The following BCL7A variants were observed in gnomAD, a reference collection of about 807,000 sequenced individuals.
The protein encoded by BCL7A is BAF chromatin remodeling complex subunit BCL7A.
BCL7A carries 11 observed loss-of-function variants against 28.4 expected under a neutral mutation model. That is an observed-to-expected ratio of 0.39 (90% CI 0.24 to 0.64). BCL7A has a LOEUF of 0.64. BCL7A is among the 30% of genes least tolerant of loss of function. BCL7A has a pLI of 0.50. For synonymous variants in BCL7A, 123 were observed against 103.3 expected (o/e 1.19, Z -1.15); for missense variants, 222 against 274.8 (o/e 0.81, Z 1.36).
intron 4 of BCL7A, among the ~76,000 whole-genome samples, chr12:122,054,042 C>T (rs745717030): frequency 6.6e-6 from 1 of 152,086 alleles, no homozygotes; most frequent in African/African-American, 2.4e-5. Flanking sequence ...TTTCTGTTTC[C>T]TGCAATGGTC....
intron 1 of BCL7A, among the ~76,000 whole-genome samples, chr12:122,025,144 G>A (rs1883589065): frequency 6.6e-6 from 1 of 152,256 alleles, no homozygotes; most frequent in Non-Finnish European, 1.5e-5. Context: ...TGGGGGCCCT[G>A]TGCTGGTGGA....
intron 1 of BCL7A, among the ~76,000 whole-genome samples, chr12:122,030,464 A>T (rs1027691164): frequency 2.0e-5 from 3 of 152,168 alleles, no homozygotes; most frequent in Non-Finnish European, 4.4e-5. Context: ...CCCCACCCTC[A>T]GCCTTTTTGG....
chr12:122,023,743 A>G (rs558649061), intron 1 of BCL7A, among the ~76,000 whole-genome samples: 3 of 152,240 alleles, frequency 2.0e-5, no homozygotes, highest in South Asian at 2.1e-4. Flanking sequence ...AATGGCAGAA[A>G]CAGCTGCAGG....
intron 1 of BCL7A, 89 bp downstream of exon 1, chr12:122,022,272 C>A (rs1883481015): frequency 6.7e-6 from 5 of 749,132 alleles, no homozygotes; most frequent in Non-Finnish European, 8.1e-6. Flanking sequence ...AGCGCCCCGG[C>A]CGCCTGCCCC....
rs965265863 is a variant in BCL7A at position 122,059,662 on chromosome 12, G to T, written c.*499G>T. On this transcript the variant is annotated 3_prime_UTR_variant, in exon 6 of 6. Coordinates refer to ENST00000261822, the MANE Select transcript of BCL7A (RefSeq NM_001024808.3). This position sits in a 1 kb window ranked among gnomAD's most constrained non-coding sequence, Gnocchi z 4.0. Reference sequence around the variant, plus strand: ...CCTCTGCAAAGTGCCCTCTTGGTTTGGTTCGGGCGGCGGCTGCCACCCTAC... The same window carrying T: ...CCTCTGCAAAGTGCCCTCTTGGTTTTGTTCGGGCGGCGGCTGCCACCCTAC... 1 of 233,082 alleles carries T rather than the reference G, an allele frequency of 4.3e-6. No individual in the cohort carries two copies. The highest frequency in any genetic ancestry group is 5.6e-5 in the Admixed American group (1 of 17,796). The allele number at this position is 233,082 out of a possible 1,614,324, so 14.4% of individuals were successfully genotyped here.
rs1213937276 is a variant in BCL7A, at chr12:122,054,139, C to T, written c.440-666C>T. Among the ~76,000 whole-genome samples the T allele has an allele frequency of 3.3e-5, 5 of 152,312 alleles. No individual in the cohort carries two copies. The South Asian group carries it at 1.0e-3, about 32-fold the overall frequency. ...TCGCTCTGTCACCCAAGCTTTAGTG[C>T]AGTGGCGCGATCTCGGCTCACTGCA... On this transcript the variant is annotated intron_variant, in intron 4 of 5. Coordinates refer to ENST00000261822, the MANE Select transcript of BCL7A (RefSeq NM_001024808.3).
Position 122,044,013 on chromosome 12 carries a change from T to A in BCL7A, c.399T>A (p.Asp133Glu). Reference sequence around the variant, plus strand: ...GCGACGGCACCGAGGCCAAGGTGGATGAGGCCCAGGCTGATGGGAAGGAGC... The same window carrying A: ...GCGACGGCACCGAGGCCAAGGTGGAAGAGGCCCAGGCTGATGGGAAGGAGC... ...VPSDGTEAKV[D>E]EAQADGKEHP... Residue 133 changes from aspartate to glutamate, a missense_variant, in exon 4 of 6, where the codon GAT becomes GAA. Asp to Glu is a conservative substitution (Grantham distance 45). This residue lies in a region of BCL7A where 155 missense variants were observed against 145.7 expected (regional missense o/e 1.06). Coordinates refer to ENST00000261822, the MANE Select transcript of BCL7A (RefSeq NM_001024808.3). 6.2e-7 allele frequency: 1 copy of A among 1,613,828 alleles called. No homozygotes were observed. The highest frequency in any genetic ancestry group is 8.5e-7 in the Non-Finnish European group (1 of 1,179,968).
intron 2 of BCL7A, among the ~76,000 whole-genome samples, chr12:122,034,475 C>T (rs1234220231): frequency 4.0e-5 from 6 of 150,210 alleles, no homozygotes; most frequent in Non-Finnish European, 4.4e-5. Context: ...GTGGCTCACA[C>T]CTGTAATCCC....
At chr12:122,023,025 C>T in intron 1 of BCL7A, among the ~76,000 whole-genome samples, 2 of 152,280 alleles carry the variant, frequency 1.3e-5, no homozygotes, top group East Asian at 1.9e-4. Flanking sequence ...TTGTTCTCTG[C>T]ACCGGGGAGA....
At chr12:122,024,783 A>G (rs1883578972) in intron 1 of BCL7A, among the ~76,000 whole-genome samples, 1 of 152,204 alleles carries the variant, frequency 6.6e-6, no homozygotes, top group Non-Finnish European at 1.5e-5. Context: ...GGACACACTT[A>G]TACTAAAACA....
rs1951886773 is a variant in BCL7A at position 122,057,511 on chromosome 12, C to T, written c.562-1581C>T. ...GGCCACAAGCAGGCTGCTCCATCAG[C>T]CAGGCCAGAGGCCGGGTTGGAGGGG... On this transcript the variant is annotated intron_variant, in intron 5 of 5. Transcript: ENST00000261822. Among the ~76,000 whole-genome samples the T allele has an allele frequency of 3.3e-5, 5 of 152,160 alleles. No homozygotes were observed. In the South Asian group the frequency reaches 8.3e-4, roughly 25 times the overall value.
At chr12:122,035,448 A>G (rs763325813) in intron 3 of BCL7A, 21 bp downstream of exon 3, 13 of 1,604,442 alleles carry the variant, frequency 8.1e-6, no homozygotes, top group East Asian at 2.2e-5. Context: ...ATGGCCTGCC[A>G]GCCTCTCCTG....
chr12:122,039,040 T>C (rs990273503), intron 3 of BCL7A, among the ~76,000 whole-genome samples: 1 of 152,004 alleles, frequency 6.6e-6, no homozygotes, highest in African/African-American at 2.4e-5. Flanking sequence ...TTCGTATCTA[T>C]AGTCCCAGCA....
chr12:122,022,263 G>C (rs1883480683), intron 1 of BCL7A, 80 bp downstream of exon 1: 1 of 862,994 alleles, frequency 1.2e-6, no homozygotes, highest in Admixed American at 6.3e-5. Flanking sequence ...GCGGGGCGCA[G>C]CGCCCCGGCC....
intron 4 of BCL7A, among the ~76,000 whole-genome samples, chr12:122,051,611 G>A (rs372377576): frequency 3.9e-5 from 6 of 152,118 alleles, no homozygotes; most frequent in South Asian, 4.2e-4. Context: ...GGCCTCTGCC[G>A]GGCACCTCTC....
At chr12:122,040,197 T>C (rs1565938599) in intron 3 of BCL7A, among the ~76,000 whole-genome samples, 1 of 152,150 alleles carries the variant, frequency 6.6e-6, no homozygotes, top group Admixed American at 6.5e-5. Context: ...TAACTTCCAG[T>C]GCCATTGATG....
At chr12:122,023,259 G>T (rs965084804) in intron 1 of BCL7A, among the ~76,000 whole-genome samples, 27 of 152,128 alleles carry the variant, frequency 1.8e-4, no homozygotes, top group African/African-American at 5.3e-4. Context: ...TTTTTCCCAC[G>T]CCTTCACTGG....
chr12:122,044,023 G>C lies in BCL7A; in HGVS notation c.409G>C (p.Ala137Pro). The C allele has an allele frequency of 6.2e-7, 1 of 1,613,846 alleles. No individual in the cohort carries two copies. Among genetic ancestry groups the C allele is most frequent in the Middle Eastern group, 1.7e-4 (1 of 6,060 alleles). Residue 137 changes from alanine to proline, a missense_variant, in exon 4 of 6, where the codon GCT becomes CCT. Physicochemically the swap from Ala to Pro is conservative, Grantham distance 27. Coordinates refer to ENST00000261822, the MANE Select transcript of BCL7A (RefSeq NM_001024808.3). ...CGAGGCCAAGGTGGATGAGGCCCAG[G>C]CTGATGGGAAGGAGCACCCAGGAGC... Reference protein sequence around the residue: ...GTEAKVDEAQADGKEHPGAED... With the variant: ...GTEAKVDEAQPDGKEHPGAED...
chr12:122,056,136 C>T (rs539214896), intron 5 of BCL7A, among the ~76,000 whole-genome samples: 4 of 152,278 alleles, frequency 2.6e-5, no homozygotes, highest in East Asian at 1.9e-4. Flanking sequence ...GCTGCAGATC[C>T]GCAGGCGTAG....
Sources: gnomAD v4.1 joint callset for allele counts (sites outside exome capture counted in the v4.1 genomes callset) on GRCh38, gnomAD v4.1.1 for gene constraint, gnomAD v4.1.1 regional missense constraint, Gnocchi (gnomAD v3.1) non-coding constraint, MANE v1.5 for transcripts, NCBI Gene and HGNC (gene_info 2026-07-23, HGNC 2026-07-21) for gene names.